Variants in TNFSF4 observed in about 807,000 individuals in gnomAD.
TNFSF4 encodes tumor necrosis factor ligand superfamily member 4.
In TNFSF4, 4 loss-of-function variants were observed where a neutral mutation model predicts 7.3. The observed-to-expected ratio is 0.55, with a 90% CI of 0.27 to 1.25. The LOEUF (loss-of-function observed/expected upper bound fraction) is 1.25. TNFSF4 is among the 50% of genes most tolerant of loss of function. The pLI is 0.12. For missense variants in TNFSF4, 181 were observed against 208.8 expected, an observed-to-expected ratio of 0.87 and a Z score of 0.82; for synonymous variants, 76 against 83.7, an observed-to-expected ratio of 0.91 and a Z score of 0.50.
the TNFSF4 span, among the ~76,000 whole-genome samples, chr1:173,360,853 G>C: frequency 2.6e-5 from 4 of 152,148 alleles, no homozygotes; most frequent in African/African-American, 9.7e-5. Context: ...TGCAAGAAAA[G>C]GTGCAAGGCA....
chr1:173,190,017 C>A (rs1649406229), intron 1 of TNFSF4, among the ~76,000 whole-genome samples: 1 of 150,710 alleles, frequency 6.6e-6, no homozygotes, highest in Non-Finnish European at 1.5e-5. Context: ...CGAGATCAGC[C>A]TGGCCAACAT....
At chr1:173,249,267 G>GAGATACAT in the TNFSF4 span, among the ~76,000 whole-genome samples, 1 of 152,166 alleles carries the variant, frequency 6.6e-6, no homozygotes, top group Non-Finnish European at 1.5e-5. Context: ...TATCAAAATT[G>GAGATACAT]AGATACATTT....
upstream of TNFSF4, among the ~76,000 whole-genome samples, chr1:173,209,862 G>A (rs545141975): frequency 6.6e-6 from 1 of 152,046 alleles, no homozygotes; most frequent in African/African-American, 2.4e-5. Context: ...GAGCAAATCA[G>A]CCTTAAAATA....
At chr1:173,307,728 A>G in the TNFSF4 span, among the ~76,000 whole-genome samples, 5 of 151,904 alleles carry the variant, frequency 3.3e-5, no homozygotes, top group African/African-American at 1.2e-4. Flanking sequence ...GGTTCAGAAA[A>G]TAATAGGTAC....
the TNFSF4 span, among the ~76,000 whole-genome samples, chr1:173,448,451 G>C: frequency 6.6e-6 from 1 of 152,242 alleles, no homozygotes; most frequent in East Asian, 1.9e-4. Flanking sequence ...CACCAAATAG[G>C]CTTTGTGTGA....
the TNFSF4 span, among the ~76,000 whole-genome samples, chr1:173,403,641 C>T: frequency 2.2e-4 from 34 of 152,196 alleles, no homozygotes; most frequent in African/African-American, 7.0e-4. Flanking sequence ...CGGTGGCTCA[C>T]GCCTGTAATC....
the TNFSF4 span, among the ~76,000 whole-genome samples, chr1:173,284,293 G>A: frequency 6.6e-6 from 1 of 152,156 alleles, no homozygotes; most frequent in Non-Finnish European, 1.5e-5. Flanking sequence ...TACTCTGAAG[G>A]ACTCTCCCAC....
the TNFSF4 span, among the ~76,000 whole-genome samples, chr1:173,391,515 C>G: frequency 4.6e-5 from 7 of 150,802 alleles, no homozygotes; most frequent in East Asian, 9.8e-4. Context: ...TAGTTCCCAT[C>G]CCCCTTAAAT....
chr1:173,282,704 A>G, the TNFSF4 span, among the ~76,000 whole-genome samples: 1 of 152,024 alleles, frequency 6.6e-6, no homozygotes, highest in East Asian at 1.9e-4. Flanking sequence ...TGATCCACCC[A>G]CCTTGGTCTT....
chr1:173,341,933 G>A, the TNFSF4 span, among the ~76,000 whole-genome samples: 3 of 152,102 alleles, frequency 2.0e-5, no homozygotes, highest in Non-Finnish European at 4.4e-5. Context: ...ATGGCTCCAA[G>A]TACCCTCTAG....
chr1:173,256,213 A>AT, the TNFSF4 span, among the ~76,000 whole-genome samples: 14 of 152,196 alleles, frequency 9.2e-5, no homozygotes, highest in Non-Finnish European at 1.2e-4. Context: ...ATTAAATATT[A>AT]TCTTACTCTG....
chr1:173,332,883 A>G, the TNFSF4 span, among the ~76,000 whole-genome samples: 1 of 152,222 alleles, frequency 6.6e-6, no homozygotes, highest in South Asian at 2.1e-4. Context: ...CATTTGTTGC[A>G]CATCCACCTG....
the TNFSF4 span, among the ~76,000 whole-genome samples, chr1:173,262,057 T>C: frequency 1.3e-5 from 2 of 152,278 alleles, no homozygotes; most frequent in Middle Eastern, 3.4e-3. Context: ...ATATCCCTGA[T>C]GAACATCGAT....
the TNFSF4 span, among the ~76,000 whole-genome samples, chr1:173,214,855 A>T: frequency 6.6e-6 from 1 of 152,218 alleles, no homozygotes; most frequent in Non-Finnish European, 1.5e-5. Flanking sequence ...CTTTAACACA[A>T]GGAACCAGAA....
the TNFSF4 span, among the ~76,000 whole-genome samples, chr1:173,324,376 A>G: frequency 6.6e-6 from 1 of 152,210 alleles, no homozygotes; most frequent in Non-Finnish European, 1.5e-5. Context: ...CTAAACATGG[A>G]AAGGAACAAC....
chr1:173,214,783 C>A, the TNFSF4 span, among the ~76,000 whole-genome samples: 3 of 152,178 alleles, frequency 2.0e-5, no homozygotes, highest in African/African-American at 7.2e-5. Flanking sequence ...CTGTGTCAGG[C>A]ACAAAAGCTT....
At chr1:173,276,456 C>G in the TNFSF4 span, among the ~76,000 whole-genome samples, 1 of 152,204 alleles carries the variant, frequency 6.6e-6, no homozygotes, top group African/African-American at 2.4e-5. Context: ...AACTTTCTGT[C>G]ATCTTGTCCA....
chr1:173,413,396 G>A, the TNFSF4 span, among the ~76,000 whole-genome samples: 8 of 152,310 alleles, frequency 5.3e-5, no homozygotes, highest in East Asian at 1.5e-3. Flanking sequence ...TTTTGAGCCT[G>A]CTTTTAATTG....
At chr1:173,327,214 A>G in the TNFSF4 span, among the ~76,000 whole-genome samples, 1 of 152,226 alleles carries the variant, frequency 6.6e-6, no homozygotes, top group Admixed American at 6.5e-5. Context: ...ATAACGCCGC[A>G]TATCTACAAC....
Sources: gnomAD v4.1 joint callset for allele counts (sites outside exome capture counted in the v4.1 genomes callset) on GRCh38, gnomAD v4.1.1 for gene constraint, MANE v1.5 for transcripts, NCBI Gene and HGNC (gene_info 2026-07-23, HGNC 2026-07-21) for gene names.